Variants in RAD52 observed in about 807,000 individuals in gnomAD.
RAD52 encodes DNA repair protein RAD52 homolog.
In RAD52, 47 loss-of-function variants were observed where a neutral mutation model predicts 55.5. The observed-to-expected ratio is 0.85, with a 90% confidence interval of 0.67 to 1.08. The LOEUF (loss-of-function observed/expected upper bound fraction) is 1.08. Among genes scored for constraint, RAD52 ranks in the 50% least tolerant of loss-of-function variants. The probability of loss-of-function intolerance (pLI) is 0.00; values close to 1 mark genes in which losing one functional copy is unlikely to be tolerated. For synonymous variants in RAD52, 184 were observed against 198.9 expected, an observed-to-expected ratio of 0.92 and a Z score of 0.63; for missense variants, 468 against 522.8, an observed-to-expected ratio of 0.90 and a Z score of 1.02.
At chr12:971,921 T>C (rs1376863094) in intron 1 of RAD52, among the ~76,000 whole-genome samples, 1 of 152,168 alleles carries the variant, frequency 6.6e-6, no homozygotes, top group Non-Finnish European at 1.5e-5. Flanking sequence ...GCTAATTTTT[T>C]GTATTTTTAG....
At chr12:981,236 G>A (rs1345654633) in intron 1 of RAD52, among the ~76,000 whole-genome samples, 1 of 152,002 alleles carries the variant, frequency 6.6e-6, no homozygotes, top group African/African-American at 2.4e-5. Context: ...GGGAAGCTGA[G>A]GTGGGAGGAT....
intron 1 of RAD52, among the ~76,000 whole-genome samples, chr12:954,709 ATC>A (rs1958581828): frequency 6.6e-6 from 1 of 152,120 alleles, no homozygotes; most frequent in Non-Finnish European, 1.5e-5. Context: ...TGTATTTAAA[ATC>A]TCTTTCTGGT....
chr12:914,681 A>T, intron 9 of RAD52, 149 bp from the exon 10 acceptor site: 1 of 893,162 alleles, frequency 1.1e-6, no homozygotes, highest in East Asian at 2.8e-5. Context: ...AGTAAAAAGA[A>T]CTTCAGCTTC....
chr12:967,393 A>G (rs2154121033), intron 1 of RAD52, among the ~76,000 whole-genome samples: 1 of 151,008 alleles, frequency 6.6e-6, no homozygotes, highest in African/African-American at 2.4e-5. Flanking sequence ...AAAAAAAAAA[A>G]AAAGTTCACA....
chr12:965,942 C>T (rs1958759465), intron 1 of RAD52, among the ~76,000 whole-genome samples: 1 of 151,938 alleles, frequency 6.6e-6, no homozygotes, highest in Admixed American at 6.6e-5. Flanking sequence ...CCTTGGCCTC[C>T]CAAAGTGCTG....
chr12:916,424 T>C lies in RAD52; in HGVS notation c.785A>G (p.Lys262Arg). Residue 262 changes from lysine (K) to arginine (R), a missense_variant, in exon 9 of 12, where the codon AAG becomes AGG. Lys to Arg is a conservative substitution (Grantham distance 26). Transcript: ENST00000358495. ...CTCCCGGAACTGCTGCTGCAGCTGC[T>C]TCTGCCGGAGCTTCCGCTGGTGCGT... ...EATHQRKLRQ[K>R]QLQQQFRERM... is the part of the protein sequence containing the mutation. 1 of 1,608,418 alleles carries C rather than the reference T, an allele frequency of 6.2e-7. No homozygotes were observed. The highest frequency in any genetic ancestry group is 8.5e-7 in the Non-Finnish European group (1 of 1,179,360).
chr12:932,623 AAAATCT>A (rs1172063766), intron 2 of RAD52, among the ~76,000 whole-genome samples: 2 of 152,124 alleles, frequency 1.3e-5, no homozygotes, highest in African/African-American at 4.8e-5. Context: ...CAAAAAATTT[AAAATCT>A]AAATCTAATC....
intron 1 of RAD52, among the ~76,000 whole-genome samples, chr12:968,768 T>C (rs1340336974): frequency 1.3e-5 from 2 of 152,098 alleles, no homozygotes; most frequent in Non-Finnish European, 2.9e-5. Flanking sequence ...GAGAAGGCCC[T>C]GAACCTGCCC....
intron 7 of RAD52, among the ~76,000 whole-genome samples, chr12:924,870 C>G (rs978470192): frequency 1.3e-5 from 2 of 151,962 alleles, no homozygotes; most frequent in Admixed American, 1.3e-4. Flanking sequence ...TGAGGCTTCA[C>G]AGACTACCCC....
At chr12:964,914 TAC>T (rs1958736703) in intron 1 of RAD52, among the ~76,000 whole-genome samples, 1 of 151,988 alleles carries the variant, frequency 6.6e-6, no homozygotes, top group African/African-American at 2.4e-5. Context: ...ATATTTTGGA[TAC>T]ACTTCTTCAG....
chr12:964,249 A>T (rs1343899284), intron 1 of RAD52, among the ~76,000 whole-genome samples: 1 of 152,108 alleles, frequency 6.6e-6, no homozygotes, highest in Non-Finnish European at 1.5e-5. Context: ...TTGAAAAGAA[A>T]GGTGGGGGGA....
chr12:937,234 T>G (rs1470771691), intron 1 of RAD52, among the ~76,000 whole-genome samples: 1 of 152,136 alleles, frequency 6.6e-6, no homozygotes, highest in African/African-American at 2.4e-5. Context: ...GCAACCAACT[T>G]CAAAATGCAC....
At chr12:954,344 AT>A (rs1958576312), upstream of RAD52, among the ~76,000 whole-genome samples, 1 of 152,130 alleles carries the variant, frequency 6.6e-6, no homozygotes, top group Non-Finnish European at 1.5e-5. Context: ...ATTTTTTACA[AT>A]AACAGGCTGG....
chr12:954,643 A>C (rs947773168), upstream of RAD52, among the ~76,000 whole-genome samples: 17 of 152,266 alleles, frequency 1.1e-4, no homozygotes, highest in African/African-American at 3.8e-4. Context: ...CCCACCCCCC[A>C]AAAAATGTAA....
At chr12:952,037 C>T (rs189881237), upstream of RAD52, among the ~76,000 whole-genome samples, 539 of 152,216 alleles carry the variant, frequency 3.5e-3, 4 homozygotes, top group Non-Finnish European at 5.7e-3. Flanking sequence ...GGTCATAGCT[C>T]GCTATAACCT....
At chr12:935,862 AAATAAATAAATAAAT>A (rs1957592349) in intron 1 of RAD52, among the ~76,000 whole-genome samples, 1 of 2,058 alleles carries the variant, frequency 4.9e-4, no homozygotes, top group Admixed American at 2.3e-3. Context: ...TCAAAAAAAT[AAATAAATAAATAAAT>A]AAATAAATAA....
intron 6 of RAD52, chr12:926,715 G>T: frequency 7.4e-7 from 1 of 1,352,118 alleles, no homozygotes; most frequent in Non-Finnish European, 1.0e-6. Context: ...AAATTACCCA[G>T]CCTCTGGTAT....
At chr12:931,109 G>T in intron 3 of RAD52, 111 bp downstream of exon 3, 1 of 816,072 alleles carries the variant, frequency 1.2e-6, no homozygotes, top group Non-Finnish European at 1.9e-6. Flanking sequence ...AGACCTCCAG[G>T]AACAGTTAAC....
intron 9 of RAD52, among the ~76,000 whole-genome samples, chr12:915,033 T>C (rs1212030758): frequency 1.3e-5 from 2 of 152,164 alleles, no homozygotes; most frequent in African/African-American, 2.4e-5. Flanking sequence ...CTCAGGAGGC[T>C]GAGGAAGGAG....
Sources: allele counts gnomAD v4.1 joint callset (sites outside exome capture counted in the v4.1 genomes callset), GRCh38; gene constraint gnomAD v4.1.1; transcripts MANE v1.5; gene names NCBI Gene and HGNC (gene_info 2026-07-23, HGNC 2026-07-21).